The following FAT3 variants were observed in gnomAD, a reference collection of about 807,000 sequenced individuals.
The protein encoded by FAT3 is FAT atypical cadherin 3.
A neutral mutation model predicts 310.2 loss-of-function variants in FAT3; 95 were observed. The observed-to-expected ratio is 0.31, with a 90% CI of 0.26 to 0.36. FAT3 has a LOEUF of 0.36. FAT3 is among the 10% of genes least tolerant of loss of function. FAT3 has a pLI of 1.00. For synonymous variants in FAT3, 2,314 were observed against 2,192.9 expected, an observed-to-expected ratio of 1.06 and a Z score of -1.54; for missense variants, 5,408 against 5,715.6, an observed-to-expected ratio of 0.95 and a Z score of 1.74.
rs1565318725 is a variant in FAT3, at chr11:92,440,531, T to C, written c.3293-84103T>C. Among the ~76,000 whole-genome samples, 6 of 152,088 alleles carry C rather than the reference T, an allele frequency of 3.9e-5. No individual in the cohort carries two copies. The South Asian group carries it at 1.0e-3, about 26-fold the overall frequency. On this transcript the variant is annotated intron_variant, in intron 2 of 27. Transcript: ENST00000525166. ...CTGTGGCTAGAATTGCAAGCTCTCATATGTGGCGTACATAGTTAGAGCCTT... is the reference window on the plus strand; with the variant it reads ...CTGTGGCTAGAATTGCAAGCTCTCACATGTGGCGTACATAGTTAGAGCCTT...
intron 3 of FAT3, among the ~76,000 whole-genome samples, chr11:92,671,992 G>T (rs761135332): frequency 2.0e-5 from 3 of 152,122 alleles, no homozygotes; most frequent in Non-Finnish European, 2.9e-5. Flanking sequence ...GGTGGTGGGT[G>T]CCTGTAATCC....
chr11:92,611,269 T>C (rs1288659335), intron 3 of FAT3, among the ~76,000 whole-genome samples: 3 of 151,990 alleles, frequency 2.0e-5, no homozygotes, highest in Non-Finnish European at 4.4e-5. Context: ...GACTGCACCA[T>C]CTTGCCTGGC....
Position 92,412,702 on chromosome 11 carries a change from GATATATATATAT to G in FAT3, c.3292+57330_3292+57341del, listed in dbSNP as rs758587642. Among the ~76,000 whole-genome samples the G allele has an allele frequency of 4.3e-3, 58 of 13,470 alleles. 9 individuals are homozygous for G. In the East Asian group the frequency reaches 0.11, roughly 26 times the overall value. 8.8% of individuals were successfully genotyped at this position (13,470 alleles called of 152,430 possible). ...GTAAAAGTCCAACTATGATGGTGGT[GATATATATATAT>G]ATATATATATATATATATATATATA... On this transcript the variant is annotated intron_variant, in intron 2 of 27. Coordinates refer to ENST00000525166, the MANE Select transcript of FAT3 (RefSeq NM_001367949.2).
At chr11:92,731,467 C>A (rs1306976715) in intron 4 of FAT3, among the ~76,000 whole-genome samples, 1 of 152,118 alleles carries the variant, frequency 6.6e-6, no homozygotes, top group East Asian at 1.9e-4. Context: ...CTTTCAATTC[C>A]ATCTTATAGA....
At chr11:92,662,762 A>G (rs1358893532) in intron 3 of FAT3, among the ~76,000 whole-genome samples, 1 of 152,208 alleles carries the variant, frequency 6.6e-6, no homozygotes, top group Non-Finnish European at 1.5e-5. Context: ...CAGCTCACTA[A>G]GTCATTTGTC....
At chr11:92,541,048 A>G (rs2135411348) in intron 3 of FAT3, among the ~76,000 whole-genome samples, 1 of 152,314 alleles carries the variant, frequency 6.6e-6, no homozygotes, top group Non-Finnish European at 1.5e-5. Flanking sequence ...CAAGAAAATA[A>G]GATTTACCCA....
intron 3 of FAT3, among the ~76,000 whole-genome samples, chr11:92,607,720 A>G (rs998961143): frequency 2.6e-5 from 4 of 152,198 alleles, no homozygotes; most frequent in African/African-American, 9.7e-5. Context: ...GCTATATGAT[A>G]TTATAATCTG....
intron 1 of FAT3, among the ~76,000 whole-genome samples, chr11:92,280,968 G>A (rs944506041): frequency 1.9e-4 from 29 of 152,004 alleles, no homozygotes; most frequent in Non-Finnish European, 4.1e-4. Context: ...CCACCTCTAA[G>A]AATCTGTTTT....
chr11:92,820,600 C>A (rs1947942176), intron 13 of FAT3, among the ~76,000 whole-genome samples: 1 of 152,042 alleles, frequency 6.6e-6, no homozygotes, highest in African/African-American at 2.4e-5. Context: ...CAAGGTCTAT[C>A]AACAACTGCT....
chr11:92,474,269 A>G (rs1951989158), intron 2 of FAT3, among the ~76,000 whole-genome samples: 1 of 152,240 alleles, frequency 6.6e-6, no homozygotes, highest in Non-Finnish European at 1.5e-5. Flanking sequence ...TGCCAAGGAC[A>G]TATTTCTTCA....
intron 7 of FAT3, among the ~76,000 whole-genome samples, chr11:92,776,210 C>T (rs899279525): frequency 1.1e-4 from 16 of 151,992 alleles, no homozygotes; most frequent in African/African-American, 3.6e-4. Flanking sequence ...ATTCAGTGTG[C>T]CCAGAATACA....
chr11:92,273,276 T>C (rs954405228), intron 1 of FAT3, among the ~76,000 whole-genome samples: 1 of 152,084 alleles, frequency 6.6e-6, no homozygotes, highest in Admixed American at 6.6e-5. Context: ...GCTTCAACTT[T>C]TGGGGAAAAG....
intron 7 of FAT3, among the ~76,000 whole-genome samples, chr11:92,781,013 A>G (rs1336891738): frequency 6.6e-6 from 1 of 151,530 alleles, no homozygotes; most frequent in Non-Finnish European, 1.5e-5. Flanking sequence ...GTAATATATG[A>G]TACCTGGTAT....
intron 1 of FAT3, among the ~76,000 whole-genome samples, chr11:92,334,882 C>T (rs993582444): frequency 9.2e-5 from 14 of 152,142 alleles, no homozygotes; most frequent in Admixed American, 2.0e-4. Context: ...ATTACGCTTA[C>T]GTGAGGGAAT....
chr11:92,592,867 A>G (rs772117520), intron 3 of FAT3, among the ~76,000 whole-genome samples: 6 of 152,156 alleles, frequency 3.9e-5, no homozygotes, highest in Non-Finnish European at 5.9e-5. Context: ...TTTTAAGTAT[A>G]AAATTCAGTA....
chr11:92,651,062 T>C (rs567694320), intron 3 of FAT3, among the ~76,000 whole-genome samples: 1 of 152,338 alleles, frequency 6.6e-6, no homozygotes, highest in African/African-American at 2.4e-5. Flanking sequence ...GGAAAGGGGT[T>C]GGCCTCCTTT....
chr11:92,473,235 C>T (rs1000572104), intron 2 of FAT3, among the ~76,000 whole-genome samples: 32 of 151,992 alleles, frequency 2.1e-4, no homozygotes, highest in Non-Finnish European at 4.3e-4. Context: ...ACTTAATTGG[C>T]GCAGTACTTA....
At chr11:92,663,712 C>T (rs182648525) in intron 3 of FAT3, among the ~76,000 whole-genome samples, 50 of 152,224 alleles carry the variant, frequency 3.3e-4, no homozygotes, top group African/African-American at 1.2e-3. Context: ...CTGATAGATC[C>T]AAATTCCCTC....
At chr11:92,795,455 G>A (rs1814581018) in intron 9 of FAT3, among the ~76,000 whole-genome samples, 1 of 152,000 alleles carries the variant, frequency 6.6e-6, no homozygotes, top group African/African-American at 2.4e-5. Context: ...CAGGATTCAA[G>A]TGTAGCAGGA....
Sources: allele counts gnomAD v4.1 joint callset (sites outside exome capture counted in the v4.1 genomes callset), GRCh38; gene constraint gnomAD v4.1.1; transcripts MANE v1.5; gene names NCBI Gene and HGNC (gene_info 2026-07-23, HGNC 2026-07-21).